Variants in PACRG observed in about 807,000 individuals in gnomAD.
PACRG encodes parkin coregulated gene protein.
PACRG carries 29 observed loss-of-function variants against 29.7 expected under a neutral mutation model. The ratio of observed to expected loss-of-function variants is 0.98; its 90% CI spans 0.73 to 1.33. The LOEUF is 1.33. Ranked by LOEUF, PACRG falls within the 40% of genes most tolerant of loss-of-function variation. The pLI is 0.00. For missense variants in PACRG, 279 were observed against 316.2 expected (o/e 0.88, Z 0.89); for synonymous variants, 116 against 118.7 (o/e 0.98, Z 0.15).
intron 4 of PACRG, among the ~76,000 whole-genome samples, chr6:163,313,398 T>C (rs1468632474): frequency 2.0e-5 from 3 of 152,098 alleles, no homozygotes; most frequent in Non-Finnish European, 4.4e-5. Context: ...TGTGTGTATA[T>C]CACAGAAGAC....
intron 2 of PACRG, among the ~76,000 whole-genome samples, chr6:163,015,739 C>G (rs1192356217): frequency 6.6e-6 from 1 of 152,002 alleles, no homozygotes; most frequent in Non-Finnish European, 1.5e-5. Flanking sequence ...GTTCCAGGAG[C>G]TTTTTGGTGG....
chr6:162,940,409 G>C (rs1798534998), intron 2 of PACRG, among the ~76,000 whole-genome samples: 1 of 151,512 alleles, frequency 6.6e-6, no homozygotes, highest in South Asian at 2.1e-4. Flanking sequence ...TCTCTCTCCT[G>C]CCCATTTCTC....
intron 4 of PACRG, among the ~76,000 whole-genome samples, chr6:163,241,444 C>T (rs753219107): frequency 6.6e-6 from 1 of 152,222 alleles, no homozygotes; most frequent in Non-Finnish European, 1.5e-5. Context: ...CGCAGCCCTT[C>T]CGTGATCATC....
chr6:162,821,640 G>A (rs78218951), intron 2 of PACRG, among the ~76,000 whole-genome samples: 3,369 of 152,194 alleles, frequency 0.022, 127 homozygotes, highest in African/African-American at 0.075. Flanking sequence ...AAATGTTGAC[G>A]TTGTAGAAGT....
intron 2 of PACRG, among the ~76,000 whole-genome samples, chr6:162,852,016 G>T (rs1053471858): frequency 4.2e-5 from 6 of 141,926 alleles, no homozygotes; most frequent in Non-Finnish European, 9.0e-5. Flanking sequence ...AGGAAGGAAG[G>T]AAGGAAGGAA....
Position 162,762,298 on chromosome 6 carries a change from G to C in PACRG, c.156+33907G>C, listed in dbSNP as rs569630864. 2.0e-5 allele frequency among the ~76,000 whole-genome samples: 3 copies of C among 152,270 alleles called. No homozygotes were observed. In the East Asian group the frequency reaches 5.8e-4, roughly 29 times the overall value. On this transcript the variant is annotated intron_variant, in intron 1 of 4. Transcript: ENST00000366888. ...GAGAATGGAAATCCTTTTACTCCAAGGTAAGAATACACAGTGAAAAAAGCC... is the reference window on the plus strand; with the variant it reads ...GAGAATGGAAATCCTTTTACTCCAACGTAAGAATACACAGTGAAAAAAGCC...
chr6:162,858,825 C>A (rs1425287646), intron 2 of PACRG, among the ~76,000 whole-genome samples: 1 of 152,144 alleles, frequency 6.6e-6, no homozygotes, highest in African/African-American at 2.4e-5. Context: ...ATGAGGTCTT[C>A]AGGGAAGAAG....
intron 4 of PACRG, among the ~76,000 whole-genome samples, chr6:163,229,061 A>G (rs770573416): frequency 3.9e-5 from 6 of 152,200 alleles, no homozygotes; most frequent in Non-Finnish European, 7.3e-5. Context: ...TCATATCTCA[A>G]TTTAAAAGTA....
At chr6:163,041,143 C>G (rs561715620) in intron 2 of PACRG, among the ~76,000 whole-genome samples, 1 of 152,074 alleles carries the variant, frequency 6.6e-6, no homozygotes, top group African/African-American at 2.4e-5. Flanking sequence ...TGAGACCATC[C>G]CAGCTAACAT....
chr6:163,281,345 T>C (rs573508867), intron 4 of PACRG, among the ~76,000 whole-genome samples: 1 of 152,244 alleles, frequency 6.6e-6, no homozygotes, highest in East Asian at 1.9e-4. Context: ...TGTGGAGAGA[T>C]CTGAGACTTT....
At chr6:162,764,042 G>A (rs75015314) in intron 1 of PACRG, among the ~76,000 whole-genome samples, 28,546 of 152,084 alleles carry the variant, frequency 0.19, 3,164 homozygotes, top group East Asian at 0.48. Flanking sequence ...TTGGGAGGGC[G>A]ATGTGGGCAG....
chr6:163,222,281 T>C (rs528437704), intron 4 of PACRG, among the ~76,000 whole-genome samples: 20 of 152,338 alleles, frequency 1.3e-4, no homozygotes, highest in African/African-American at 4.6e-4. Context: ...ACCAACCGTG[T>C]TCCTGGCGAT....
At chr6:163,166,363 G>A (rs1778812734) in intron 4 of PACRG, 1 of 362,802 alleles carries the variant, frequency 2.8e-6, no homozygotes, top group Non-Finnish European at 5.5e-6. Context: ...GATACCCCAA[G>A]AACTGCTTAC....
At chr6:162,938,510 C>A (rs2128115322) in intron 2 of PACRG, among the ~76,000 whole-genome samples, 1 of 151,628 alleles carries the variant, frequency 6.6e-6, no homozygotes, top group Non-Finnish European at 1.5e-5. Context: ...AGTTTACACT[C>A]CCACCAGTAG....
At chr6:163,186,268 G>T (rs1336177205) in intron 4 of PACRG, among the ~76,000 whole-genome samples, 2 of 152,118 alleles carry the variant, frequency 1.3e-5, no homozygotes, top group South Asian at 2.1e-4. Flanking sequence ...AGCTGCACAC[G>T]CCTGGAGAGC....
chr6:163,036,676 A>G (rs1808217094), intron 2 of PACRG, among the ~76,000 whole-genome samples: 1 of 152,266 alleles, frequency 6.6e-6, no homozygotes, highest in Non-Finnish European at 1.5e-5. Flanking sequence ...ATGACTTGTT[A>G]TCCCAGATGA....
intron 4 of PACRG, among the ~76,000 whole-genome samples, chr6:163,131,701 T>A (rs1023010552): frequency 2.6e-5 from 4 of 152,138 alleles, no homozygotes; most frequent in African/African-American, 9.7e-5. Flanking sequence ...ATCGGAGCGA[T>A]CCTACCTCCC....
chr6:163,089,176 C>G, intron 3 of PACRG, 83 bp from the exon 4 acceptor site: 1 of 1,433,500 alleles, frequency 7.0e-7, no homozygotes, highest in Non-Finnish European at 9.5e-7. Context: ...TAAATGCAAC[C>G]ACAAGACAAC....
intron 2 of PACRG, among the ~76,000 whole-genome samples, chr6:162,854,447 A>G (rs1467302425): frequency 1.3e-5 from 2 of 152,200 alleles, no homozygotes; most frequent in African/African-American, 4.8e-5. Context: ...TTAGAGTTCC[A>G]TGTGACCTCC....
Sources: gnomAD v4.1 joint callset for allele counts (sites outside exome capture counted in the v4.1 genomes callset) on GRCh38, gnomAD v4.1.1 for gene constraint, MANE v1.5 for transcripts, NCBI Gene and HGNC (gene_info 2026-07-23, HGNC 2026-07-21) for gene names.